The following RBFOX1 variants were observed in gnomAD, a reference collection of about 807,000 sequenced individuals.
RBFOX1 encodes RNA binding protein fox-1 homolog 1.
In RBFOX1, 8 loss-of-function variants were observed where a neutral mutation model predicts 57.7. The ratio of observed to expected loss-of-function variants is 0.14; its 90% CI spans 0.08 to 0.25. The LOEUF (loss-of-function observed/expected upper bound fraction) is 0.25, where lower values mean the gene tolerates loss of function less well. Ranked by LOEUF, RBFOX1 falls within the 10% of genes least tolerant of loss-of-function variation. RBFOX1 has a pLI of 1.00. For missense variants in RBFOX1, 611 were observed against 548.5 expected (o/e 1.11, Z -1.14); for synonymous variants, 326 against 222.4 (o/e 1.47, Z -4.15).
chr16:7,514,595 G>C (rs1418544415), intron 4 of RBFOX1, among the ~76,000 whole-genome samples: 1 of 152,118 alleles, frequency 6.6e-6, no homozygotes, highest in Non-Finnish European at 1.5e-5. Context: ...ATCAAGGAAA[G>C]CCTGCTGGAG....
intron 3 of RBFOX1, among the ~76,000 whole-genome samples, chr16:6,846,395 G>T (rs558581964): frequency 2.0e-5 from 3 of 152,170 alleles, no homozygotes; most frequent in Admixed American, 2.0e-4. Context: ...TGAAAAGCAG[G>T]CCTTTTCCAG....
At position 6,651,839 on chromosome 16, in the gene RBFOX1, G is replaced by A. The variant is rs550417653; in HGVS notation, c.-63-2764G>A. The stretch of plus-strand genomic sequence containing the variant: ...TATCCACAGATGGCGCTTATGAATG[G>A]ATAAACCAAATGTGGTCTCTCCATA... On this transcript the variant is annotated intron_variant, in intron 2 of 15. Coordinates refer to ENST00000550418, the MANE Select transcript of RBFOX1 (RefSeq NM_018723.4). Among the ~76,000 whole-genome samples the A allele has an allele frequency of 2.0e-5, 3 of 152,238 alleles. No homozygotes were observed. The South Asian group carries it at 6.2e-4, about 32-fold the overall frequency.
intron 1 of RBFOX1, among the ~76,000 whole-genome samples, chr16:6,215,975 T>A (rs773183748): frequency 1.3e-5 from 2 of 152,178 alleles, no homozygotes; most frequent in African/African-American, 2.4e-5. Context: ...TCATGTCCTT[T>A]GCAGGGACAT....
At chr16:7,115,436 C>T (rs1166685733) in intron 4 of RBFOX1, among the ~76,000 whole-genome samples, 1 of 152,182 alleles carries the variant, frequency 6.6e-6, no homozygotes, top group Non-Finnish European at 1.5e-5. Flanking sequence ...TATGTAATTA[C>T]CACCTCATAG....
At chr16:6,567,378 G>C (rs923847608) in intron 2 of RBFOX1, among the ~76,000 whole-genome samples, 1 of 152,122 alleles carries the variant, frequency 6.6e-6, no homozygotes, top group Non-Finnish European at 1.5e-5. Flanking sequence ...CTACTGAGTA[G>C]CTCAGGTTCG....
chr16:6,118,780 CCTCTCTTTCTCT>C (rs1168519564), intron 1 of RBFOX1, among the ~76,000 whole-genome samples: 2 of 147,586 alleles, frequency 1.4e-5, no homozygotes, highest in Non-Finnish European at 3.0e-5. Context: ...TCTCTTTCTC[CCTCTCTTTCTCT>C]CTCTCCTTCC....
chr16:5,384,952 T>C (rs1004349667), intron 1 of RBFOX1, among the ~76,000 whole-genome samples: 1 of 152,180 alleles, frequency 6.6e-6, no homozygotes. Flanking sequence ...CATCTAACTG[T>C]TGGTCAAATT....
intron 4 of RBFOX1, among the ~76,000 whole-genome samples, chr16:7,280,989 C>CTCCTTCCTTCCT (rs1257640598): frequency 3.7e-5 from 2 of 54,386 alleles, no homozygotes; most frequent in African/African-American, 2.5e-4. Context: ...CCCTCCCTCC[C>CTCCTTCCTTCCT]TCCTTCCTTC....
chr16:6,718,838 C>G (rs983817288), intron 3 of RBFOX1, among the ~76,000 whole-genome samples: 1 of 151,996 alleles, frequency 6.6e-6, no homozygotes, highest in Non-Finnish European at 1.5e-5. Flanking sequence ...ATGTTTCTTT[C>G]TTTTTTTCTT....
intron 4 of RBFOX1, among the ~76,000 whole-genome samples, chr16:5,971,670 G>A (rs1182331334): frequency 3.3e-5 from 5 of 152,148 alleles, no homozygotes; most frequent in Non-Finnish European, 5.9e-5. Context: ...CCTTCCCTAG[G>A]TCAGAGTCAG....
At chr16:6,960,678 C>T (rs2082776944) in intron 3 of RBFOX1, among the ~76,000 whole-genome samples, 1 of 152,004 alleles carries the variant, frequency 6.6e-6, no homozygotes, top group Non-Finnish European at 1.5e-5. Context: ...CTTGCAGGAC[C>T]AGCATCTCCT....
intron 3 of RBFOX1, among the ~76,000 whole-genome samples, chr16:7,031,235 C>T (rs2042708994): frequency 6.6e-6 from 1 of 152,140 alleles, no homozygotes; most frequent in Non-Finnish European, 1.5e-5. Context: ...AATCCTGACT[C>T]CTCTATTTAC....
chr16:5,527,094 G>C (rs1452414265), intron 2 of RBFOX1, among the ~76,000 whole-genome samples: 3 of 152,182 alleles, frequency 2.0e-5, no homozygotes, highest in Non-Finnish European at 4.4e-5. Flanking sequence ...ACTCTCACCA[G>C]TCTGGAAAGA....
intron 4 of RBFOX1, among the ~76,000 whole-genome samples, chr16:7,295,991 G>C (rs1380555334): frequency 6.6e-6 from 1 of 152,114 alleles, no homozygotes; most frequent in Non-Finnish European, 1.5e-5. Context: ...AGCCTAAAGA[G>C]TGTAACTATT....
At chr16:7,303,205 C>G (rs550231127) in intron 4 of RBFOX1, among the ~76,000 whole-genome samples, 28 of 152,350 alleles carry the variant, frequency 1.8e-4, no homozygotes, top group African/African-American at 6.3e-4. Context: ...CCTGCCCAAC[C>G]AAGGCGAGGC....
chr16:5,775,644 G>A (rs1023637803), intron 3 of RBFOX1, among the ~76,000 whole-genome samples: 3 of 152,158 alleles, frequency 2.0e-5, no homozygotes, highest in Non-Finnish European at 4.4e-5. Context: ...CCTGAACATG[G>A]CCTCAGTGCC....
Position 5,465,094 on chromosome 16 carries a change from C to T in RBFOX1, c.220-2122C>T, listed in dbSNP as rs1182095460. ...GTGTGTGTGTGTTTGCTCAGGCTGC[C>T]GTAACAAAGTAATACAGATGGAGTG... On this transcript the variant is annotated intron_variant, in intron 1 of 2. Transcript: ENST00000585867. Among the ~76,000 whole-genome samples the T allele has an allele frequency of 3.3e-5, 5 of 152,222 alleles. 1 individual carries two copies. In the South Asian group the frequency reaches 6.2e-4, roughly 19 times the overall value.
chr16:5,700,252 C>T lies in RBFOX1; in HGVS notation c.318+101291C>T, dbSNP rs1321992908. Among the ~76,000 whole-genome samples the T allele has an allele frequency of 3.3e-5, 5 of 152,032 alleles. No individual in the cohort carries two copies. In the South Asian group the frequency reaches 6.3e-4, roughly 19 times the overall value. On this transcript the variant is annotated intron_variant, in intron 3 of 19. Transcript: ENST00000641259. ...ATTTTTGTGCTGAATTTATTATATG[C>T]CTCAGTATTCATTATCTTTATTCAA...
chr16:5,299,180 T>C (rs1055940975), intron 1 of RBFOX1, among the ~76,000 whole-genome samples: 16 of 152,116 alleles, frequency 1.1e-4, no homozygotes, highest in African/African-American at 3.9e-4. Flanking sequence ...TGGAATCATA[T>C]GCTATGCACT....
Sources: gnomAD v4.1 joint callset for allele counts (sites outside exome capture counted in the v4.1 genomes callset) on GRCh38, gnomAD v4.1.1 for gene constraint, MANE v1.5 for transcripts, NCBI Gene and HGNC (gene_info 2026-07-23, HGNC 2026-07-21) for gene names.